Variants in TPTE2 observed in about 807,000 individuals in gnomAD.
The protein encoded by TPTE2 is phosphatidylinositol 3,4,5-trisphosphate 3-phosphatase TPTE2.
In TPTE2, 53 loss-of-function variants were observed where a neutral mutation model predicts 78.6. That is an observed-to-expected ratio of 0.67 (90% CI 0.54 to 0.85). The LOEUF is 0.85. Ranked by LOEUF, TPTE2 falls within the 40% of genes least tolerant of loss-of-function variation. The probability of loss-of-function intolerance (pLI) is 0.00; values close to 1 mark genes in which losing one functional copy is unlikely to be tolerated. For missense variants in TPTE2, 461 were observed against 623.0 expected (o/e 0.74, Z 2.77); for synonymous variants, 175 against 206.2 (o/e 0.85, Z 1.30).
At chr13:19,542,797 C>T in the TPTE2 span, among the ~76,000 whole-genome samples, 1 of 151,934 alleles carries the variant, frequency 6.6e-6, no homozygotes, top group Non-Finnish European at 1.5e-5. Context: ...AGTTCAAGAC[C>T]AGCCTGGGCA....
intron 1 of TPTE2, among the ~76,000 whole-genome samples, chr13:19,494,885 TTTAA>T (rs989246588): frequency 3.9e-5 from 6 of 152,210 alleles, no homozygotes; most frequent in African/African-American, 1.4e-4. Flanking sequence ...CTAGTTACAC[TTTAA>T]TTATTCACAT....
At chr13:19,433,268 C>G (rs965568329) in intron 15 of TPTE2, among the ~76,000 whole-genome samples, 6 of 152,026 alleles carry the variant, frequency 3.9e-5, no homozygotes, top group African/African-American at 7.2e-5. Context: ...CTTTGGGAGG[C>G]CGAGGTGGGC....
At chr13:19,484,224 T>C (rs181507616) in intron 3 of TPTE2, among the ~76,000 whole-genome samples, 1 of 152,354 alleles carries the variant, frequency 6.6e-6, no homozygotes, top group East Asian at 1.9e-4. Context: ...TCACTCATTG[T>C]AACTCAAGGG....
At chr13:19,443,958 T>C (rs966307726) in intron 13 of TPTE2, among the ~76,000 whole-genome samples, 13 of 152,108 alleles carry the variant, frequency 8.5e-5, no homozygotes, top group African/African-American at 2.7e-4. Context: ...GATGTAATCA[T>C]GTACCATAAA....
At chr13:19,464,150 A>G (rs1331720547) in intron 10 of TPTE2, among the ~76,000 whole-genome samples, 1 of 152,200 alleles carries the variant, frequency 6.6e-6, no homozygotes, top group African/African-American at 2.4e-5. Flanking sequence ...CCACAGATAC[A>G]TGAATGAGCT....
chr13:19,482,451 C>T (rs767428081), intron 4 of TPTE2, 37 bp downstream of exon 7: 1 of 1,607,084 alleles, frequency 6.2e-7, no homozygotes, highest in East Asian at 2.2e-5. Context: ...AGAGATCCAT[C>T]AATGGCTCCC....
chr13:19,430,387 T>C (rs1876473739), intron 17 of TPTE2, 81 bp downstream of exon 20: 5 of 1,043,192 alleles, frequency 4.8e-6, no homozygotes, highest in Admixed American at 2.2e-5. Context: ...GAGTGATAGT[T>C]TATGGAGGTG....
At chr13:19,519,673 C>A (rs1326884921) in intron 1 of TPTE2, among the ~76,000 whole-genome samples, 1 of 152,162 alleles carries the variant, frequency 6.6e-6, no homozygotes, top group Non-Finnish European at 1.5e-5. Flanking sequence ...CAATTTTAAC[C>A]ACTATAGCTT....
At chr13:19,545,739 G>A in the TPTE2 span, among the ~76,000 whole-genome samples, 1 of 152,156 alleles carries the variant, frequency 6.6e-6, no homozygotes, top group African/African-American at 2.4e-5. Flanking sequence ...GCTTTTCATG[G>A]CTTTCCTCTC....
intron 3 of TPTE2, among the ~76,000 whole-genome samples, chr13:19,492,500 G>A (rs543329890): frequency 2.0e-5 from 3 of 152,272 alleles, no homozygotes; most frequent in African/African-American, 7.2e-5. Context: ...GAAATTGAGG[G>A]TGACAAATAC....
chr13:19,427,153 G>A (rs1343299730), intron 17 of TPTE2, among the ~76,000 whole-genome samples: 2 of 124,014 alleles, frequency 1.6e-5, no homozygotes, highest in South Asian at 2.6e-4. Context: ...GCATGATCTC[G>A]GCTCACTGCC....
chr13:19,488,867 A>C (rs984673288), intron 3 of TPTE2, among the ~76,000 whole-genome samples: 1 of 152,136 alleles, frequency 6.6e-6, no homozygotes, highest in Non-Finnish European at 1.5e-5. Context: ...TTTGTTTTAC[A>C]TTCACAACTT....
At chr13:19,523,410 G>C (rs1157721177) in intron 1 of TPTE2, among the ~76,000 whole-genome samples, 1 of 152,102 alleles carries the variant, frequency 6.6e-6, no homozygotes, top group African/African-American at 2.4e-5. Flanking sequence ...ATGAATAAAG[G>C]AATTTTTGAA....
intron 10 of TPTE2, among the ~76,000 whole-genome samples, chr13:19,455,633 T>C (rs912573529): frequency 3.3e-5 from 5 of 151,900 alleles, no homozygotes; most frequent in Admixed American, 1.3e-4. Flanking sequence ...AAACTACATA[T>C]CCCTCATGAA....
chr13:19,445,001 C>A lies in TPTE2; in HGVS notation c.973+5075G>T, dbSNP rs1020966467. 5.7e-4 allele frequency among the ~76,000 whole-genome samples: 86 copies of A among 152,080 alleles called. 6 individuals carry two copies. Among genetic ancestry groups the A allele is most frequent in the Admixed American group, 6.6e-5 (1 of 15,264 alleles). On this transcript the variant is annotated intron_variant, in intron 13 of 19. Coordinates refer to ENST00000400230, the Ensembl canonical transcript of TPTE2. ...CAAGTTTAAAAGGAATGAACCTTCT[C>A]GAAGAAAATATAGTAGTAAAATGTC... is the stretch of plus-strand genomic sequence containing the variant.
upstream of TPTE2, among the ~76,000 whole-genome samples, chr13:19,504,081 C>T (rs1157467956): frequency 1.3e-5 from 2 of 152,000 alleles, no homozygotes; most frequent in East Asian, 1.9e-4. Context: ...ACTGATAGCT[C>T]CACTCCAGGG....
intron 16 of TPTE2, among the ~76,000 whole-genome samples, chr13:19,432,219 C>A (rs1876697090): frequency 4.3e-5 from 1 of 23,490 alleles, no homozygotes; most frequent in African/African-American, 1.1e-4. Flanking sequence ...GCAATGAGAA[C>A]AGGAGAGATG....
rs185290801 is a variant in TPTE2, at chr13:19,464,049, G to A, written c.741+407C>T. ...CCAGATGGGATGGGCCTTGGGCCTCGGGGGGGTGCACGTAGCATGCAGTGG... is the reference window on the plus strand; with the variant it reads ...CCAGATGGGATGGGCCTTGGGCCTCAGGGGGGTGCACGTAGCATGCAGTGG... On this transcript the variant is annotated intron_variant, in intron 10 of 19. Coordinates refer to ENST00000400230, the Ensembl canonical transcript of TPTE2. Among the ~76,000 whole-genome samples the A allele has an allele frequency of 3.2e-3, 480 of 152,160 alleles. 5 individuals are homozygous for A. The highest frequency in any genetic ancestry group is 9.5e-3 in the African/African-American group (394 of 41,520).
chr13:19,451,135 C>G (rs1338770110), intron 11 of TPTE2, 30 bp downstream of exon 14: 1 of 1,608,194 alleles, frequency 6.2e-7, no homozygotes, highest in Non-Finnish European at 8.5e-7. Flanking sequence ...TTTCTACCTA[C>G]AGTAGCAAAA....
Sources: gnomAD v4.1 joint callset for allele counts (sites outside exome capture counted in the v4.1 genomes callset) on GRCh38, gnomAD v4.1.1 for gene constraint, MANE v1.5 for transcripts, NCBI Gene and HGNC (gene_info 2026-07-23, HGNC 2026-07-21) for gene names.